RUSF1: variants seen among roughly 807,000 people sequenced by gnomAD.
RUSF1 encodes the protein RUS family member 1.
Under a neutral mutation model 63.0 loss-of-function variants are expected in RUSF1, and 58 were observed. The observed-to-expected ratio is 0.92, with a 90% CI of 0.75 to 1.15. The LOEUF is 1.15. RUSF1 is among the 50% of genes most tolerant of loss of function. The pLI is 0.00. For synonymous variants in RUSF1, 274 were observed against 255.8 expected (o/e 1.07, Z -0.68); for missense variants, 652 against 611.0 (o/e 1.07, Z -0.71).
At chr16:31,503,126 T>TC (rs919314597) in intron 2 of RUSF1, among the ~76,000 whole-genome samples, 7 of 152,236 alleles carry the variant, frequency 4.6e-5, no homozygotes, top group Non-Finnish European at 1.0e-4. Flanking sequence ...CCACTTGCTT[T>TC]TTTTTCCTCT....
intron 2 of RUSF1, among the ~76,000 whole-genome samples, chr16:31,506,639 G>A (rs1181207590): frequency 6.6e-6 from 1 of 152,150 alleles, no homozygotes; most frequent in Non-Finnish European, 1.5e-5. Context: ...AAAAATTAGC[G>A]GGGCAGGGTG....
intron 2 of RUSF1, among the ~76,000 whole-genome samples, chr16:31,504,189 G>A (rs1270612061): frequency 4.0e-5 from 6 of 149,866 alleles, no homozygotes; most frequent in African/African-American, 1.2e-4. Context: ...CGTGAGCCAC[G>A]GCACCTGGCC....
intron 3 of RUSF1, among the ~76,000 whole-genome samples, chr16:31,500,048 C>T (rs1202780337): frequency 1.3e-5 from 2 of 152,142 alleles, no homozygotes; most frequent in South Asian, 2.1e-4. Context: ...ACTTCTGTTA[C>T]ACAACACCGT....
Position 31,490,416 on chromosome 16 carries a change from G to C in RUSF1, c.*419C>G. 1 of 1,613,596 alleles carries C rather than the reference G, an allele frequency of 6.2e-7. No homozygotes were observed. The highest frequency in any genetic ancestry group is 8.5e-7 in the Non-Finnish European group (1 of 1,179,910). The stretch of plus-strand genomic sequence containing the variant: ...TCCGCCCCTTACCCAGGAGGAGGCA[G>C]CGGCAGCAGCCAGGCGGCTGGAGGA... On this transcript the variant is annotated 3_prime_UTR_variant, in exon 13 of 13. Coordinates refer to ENST00000327237, the MANE Select transcript of RUSF1 (RefSeq NM_022744.4).
chr16:31,507,667 C>T (rs1482871629), intron 2 of RUSF1, 97 bp downstream of exon 2: 3 of 1,152,390 alleles, frequency 2.6e-6, no homozygotes, highest in Non-Finnish European at 3.7e-6. Flanking sequence ...CTGAATTCTA[C>T]CTAATGGGGC....
In RUSF1 at chr16:31,494,019, C is replaced by G. The variant is rs1298631771; in HGVS notation, c.703-83G>C. On this transcript the variant is annotated intron_variant, in intron 6 of 12. Transcript: ENST00000327237. ...GCCCGAGTGCCTTTCACCTCATCCT[C>G]CCTGCTCCACAACCTCCCAGGGCTC... is the stretch of plus-strand genomic sequence containing the variant. 2.1e-6 allele frequency: 3 copies of G among 1,423,136 alleles called. No individual in the cohort carries two copies. The African/African-American group carries it at 4.2e-5, about 20-fold the overall frequency. 88.2% of individuals were successfully genotyped at this position (1,423,136 alleles called of 1,614,324 possible).
intron 12 of RUSF1, 97 bp downstream of exon 12, chr16:31,491,912 C>A (rs1038811968): frequency 4.5e-6 from 6 of 1,343,848 alleles, no homozygotes; most frequent in Non-Finnish European, 6.3e-6. Context: ...GAACCCAAGT[C>A]TTTTACCTTT....
At chr16:31,503,224 T>C (rs1470481617) in intron 2 of RUSF1, among the ~76,000 whole-genome samples, 1 of 152,220 alleles carries the variant, frequency 6.6e-6, no homozygotes, top group South Asian at 2.1e-4. Flanking sequence ...TTGGCTCCAC[T>C]TGACATTCTT....
In RUSF1 at chr16:31,490,720, C is replaced by T. The variant is rs956231637; in HGVS notation, c.*115G>A. On this transcript the variant is annotated 3_prime_UTR_variant, in exon 13 of 13. Coordinates refer to ENST00000327237, the MANE Select transcript of RUSF1 (RefSeq NM_022744.4). ...CAGTCACTTCCCATGAGGGCCTGGC[C>T]CACCCGCTGCAGTTGCCCTAAGGAA... is the stretch of plus-strand genomic sequence containing the variant. The T allele has an allele frequency of 4.7e-5, 60 of 1,272,280 alleles. No homozygotes were observed. Among genetic ancestry groups the T allele is most frequent in the Non-Finnish European group, 9.1e-6 (8 of 882,222 alleles). The allele number at this position is 1,272,280 out of a possible 1,614,324, so 78.8% of individuals were successfully genotyped here. A position where few individuals can be genotyped will look rare whatever the true frequency, so the allele number is the denominator to read the frequency against.
At chr16:31,492,947 G>A (rs371203891) in intron 10 of RUSF1, 31 bp downstream of exon 10, 58 of 1,588,284 alleles carry the variant, frequency 3.7e-5, no homozygotes, top group Non-Finnish European at 4.2e-5. Context: ...GGGAGGGTGC[G>A]TCTTAGGCTG....
At chr16:31,498,817 C>T (rs573597460) in intron 5 of RUSF1, among the ~76,000 whole-genome samples, 6 of 152,340 alleles carry the variant, frequency 3.9e-5, no homozygotes, top group African/African-American at 7.2e-5. Flanking sequence ...GGGAGCTCTT[C>T]CTACACTCCC....
At chr16:31,496,002 A>G (rs560477640) in intron 6 of RUSF1, among the ~76,000 whole-genome samples, 2 of 152,210 alleles carry the variant, frequency 1.3e-5, no homozygotes, top group Admixed American at 1.3e-4. Context: ...AAACCATCTC[A>G]CACTTCTGGG....
At position 31,508,128 on chromosome 16, in the gene RUSF1, G is replaced by C. The variant is rs1445464210; in HGVS notation, c.246C>G (p.Phe82Leu). The C allele has an allele frequency of 1.2e-6, 2 of 1,601,596 alleles. No individual in the cohort carries two copies. The highest frequency in any genetic ancestry group is 8.5e-7 in the Non-Finnish European group (1 of 1,174,744). The change falls in exon 1 of 13, where the codon TTC (phenylalanine) becomes TTG (leucine). Residue 82 changes from phenylalanine (F) to leucine (L), a missense_variant. By Grantham distance (22) the Phe-to-Leu change is conservative. Transcript: ENST00000327237. Reference protein sequence around the residue: ...GLQAVFLPQGFPDSVSPDYLP... With the variant: ...GLQAVFLPQGLPDSVSPDYLP... ...AGTAGTCCGGGCTGACGCTATCAGG[G>C]AAGCCCTGAGGCAGGAACACGGCCT...
At chr16:31,500,987 G>C (rs915751301) in intron 2 of RUSF1, among the ~76,000 whole-genome samples, 5 of 152,150 alleles carry the variant, frequency 3.3e-5, no homozygotes, top group Admixed American at 1.3e-4. Context: ...CAAAAAACCT[G>C]GGAATAATGC....
intron 2 of RUSF1, among the ~76,000 whole-genome samples, chr16:31,504,649 C>A (rs1159099183): frequency 6.6e-6 from 1 of 152,180 alleles, no homozygotes; most frequent in Non-Finnish European, 1.5e-5. Flanking sequence ...AGTGCAGACA[C>A]GATGCCACCA....
At chr16:31,504,931 T>A (rs2082650572) in intron 2 of RUSF1, among the ~76,000 whole-genome samples, 1 of 152,146 alleles carries the variant, frequency 6.6e-6, no homozygotes, top group Admixed American at 6.5e-5. Context: ...GCAGTATGCT[T>A]CATAAAAGTC....
rs777705985 is a variant in RUSF1, at chr16:31,490,106, C to A, written c.*729G>T. The A allele has an allele frequency of 1.3e-5, 21 of 1,613,790 alleles. No homozygotes were observed. Among genetic ancestry groups the A allele is most frequent in the East Asian group, 2.2e-5 (1 of 44,870 alleles). On this transcript the variant is annotated 3_prime_UTR_variant, in exon 13 of 13. Coordinates refer to ENST00000327237, the MANE Select transcript of RUSF1 (RefSeq NM_022744.4). The stretch of plus-strand genomic sequence containing the variant: ...GTTCGTGCTCCCACCCTCCCCAGCT[C>A]CACCGCCTGGTCTTCAGTCTCCGGC...
rs772744099 is a variant in RUSF1 at position 31,499,499 on chromosome 16, T to G, written c.488A>C (p.Gln163Pro). The change falls in exon 4 of 13, where the codon CAG becomes CCG. Residue 163 changes from glutamine to proline, a missense_variant. Transcript: ENST00000327237. ...CGTCCCCGCCCCTCCTCACCTCCACTGCTTGGCATTGCAGTCCAGTTTGCT... is the reference window on the plus strand; with the variant it reads ...CGTCCCCGCCCCTCCTCACCTCCACGGCTTGGCATTGCAGTCCAGTTTGCT... ...KGSKLDCNAKQWRLFADILND... is the reference protein window; with the variant it reads ...KGSKLDCNAKPWRLFADILND... The G allele has an allele frequency of 5.4e-6, 6 of 1,108,020 alleles. No homozygotes were observed. The highest frequency in any genetic ancestry group is 6.4e-6 in the Non-Finnish European group (5 of 781,580). The allele number at this position is 1,108,020 out of a possible 1,614,324, so 68.6% of individuals were successfully genotyped here. A position where few individuals can be genotyped will look rare whatever the true frequency, so the allele number is the denominator to read the frequency against.
rs1009090046 is a variant in RUSF1 at position 31,500,831 on chromosome 16, G to A, written c.416-100C>T. 5 of 1,287,486 alleles carry A rather than the reference G, an allele frequency of 3.9e-6. No individual in the cohort carries two copies. In the East Asian group the frequency reaches 1.2e-4, roughly 31 times the overall value. 79.8% of individuals were successfully genotyped at this position (1,287,486 alleles called of 1,614,324 possible). On this transcript the variant is annotated intron_variant, in intron 2 of 12. Coordinates refer to ENST00000327237, the MANE Select transcript of RUSF1 (RefSeq NM_022744.4). ...GAACTGGCCAATTCACTGAGTCACT[G>A]CCTTTGGGAACTCGGTCTGGTACTA... is the stretch of plus-strand genomic sequence containing the variant.
Sources: gnomAD v4.1 joint callset for allele counts (sites outside exome capture counted in the v4.1 genomes callset) on GRCh38, gnomAD v4.1.1 for gene constraint, MANE v1.5 for transcripts, NCBI Gene and HGNC (gene_info 2026-07-23, HGNC 2026-07-21) for gene names.